MKLN1: variants seen among roughly 807,000 people sequenced by gnomAD.
MKLN1 encodes muskelin.
In MKLN1, 18 loss-of-function variants were observed where a neutral mutation model predicts 99.0. The observed-to-expected ratio is 0.18, with a 90% CI of 0.13 to 0.27. The LOEUF is 0.27. Among genes scored for constraint, MKLN1 ranks in the 10% least tolerant of loss-of-function variants. The pLI is 1.00. For missense variants in MKLN1, 621 were observed against 875.9 expected, an observed-to-expected ratio of 0.71 and a Z score of 3.67; for synonymous variants, 288 against 293.2, an observed-to-expected ratio of 0.98 and a Z score of 0.18.
intron 2 of MKLN1, among the ~76,000 whole-genome samples, chr7:131,191,877 CTATT>C (rs1411678652): frequency 6.7e-6 from 1 of 148,778 alleles, no homozygotes; most frequent in East Asian, 2.0e-4. Flanking sequence ...CCATGCCTGA[CTATT>C]TTTTTTTTTT....
At chr7:131,297,413 C>CTGTGTG (rs148107325) in intron 3 of MKLN1, among the ~76,000 whole-genome samples, 9,921 of 149,252 alleles carry the variant, frequency 0.066, 367 homozygotes, top group Middle Eastern at 0.14. Context: ...CACAAATACT[C>CTGTGTG]TGTGTGTGTG....
Position 131,414,627 on chromosome 7 carries a change from CTAT to C in MKLN1, c.782-13_782-11del. The C allele has an allele frequency of 6.4e-7, 1 of 1,553,592 alleles. No individual in the cohort carries two copies. Among genetic ancestry groups the C allele is most frequent in the Non-Finnish European group, 8.8e-7 (1 of 1,132,236 alleles). Reference sequence around the variant, plus strand: ...TTCTTTGTTATTCCTTTAAAAGAAACTATTATTTCTTCTAAAGGTGATGGGGAA... The same window carrying C: ...TTCTTTGTTATTCCTTTAAAAGAAACTATTTCTTCTAAAGGTGATGGGGAA... On this transcript the variant is annotated splice_polypyrimidine_tract_variant and intron_variant, in intron 7 of 17. Coordinates refer to ENST00000352689, the MANE Select transcript of MKLN1 (RefSeq NM_013255.5).
At chr7:131,320,468 T>C (rs919281977) in intron 3 of MKLN1, among the ~76,000 whole-genome samples, 2 of 152,056 alleles carry the variant, frequency 1.3e-5, no homozygotes, top group Non-Finnish European at 2.9e-5. Flanking sequence ...CCCCAAGCCA[T>C]AAAAACCCTA....
chr7:131,470,754 T>G (rs1796796683), intron 15 of MKLN1, 88 bp from the exon 16 acceptor site: 1 of 849,778 alleles, frequency 1.2e-6, no homozygotes, highest in Admixed American at 1.9e-5. Context: ...TCATACTCAG[T>G]ATAACAGTGT....
chr7:131,260,692 G>C (rs1797718552), intron 3 of MKLN1, among the ~76,000 whole-genome samples: 2 of 152,142 alleles, frequency 1.3e-5, no homozygotes, highest in African/African-American at 4.8e-5. Context: ...CACGTTACCT[G>C]TAACCAAAAC....
intron 3 of MKLN1, among the ~76,000 whole-genome samples, chr7:131,288,390 C>G (rs1715604517): frequency 6.6e-6 from 1 of 152,192 alleles, no homozygotes; most frequent in African/African-American, 2.4e-5. Flanking sequence ...GCCTCAGTAT[C>G]CGCTTAAGTT....
At chr7:131,279,380 C>A (rs1183433464) in intron 3 of MKLN1, among the ~76,000 whole-genome samples, 1 of 152,116 alleles carries the variant, frequency 6.6e-6, no homozygotes. Context: ...ATGCAAAGAT[C>A]CTGAGAGAGA....
chr7:131,282,473 T>C (rs1033202434), intron 3 of MKLN1, among the ~76,000 whole-genome samples: 14 of 151,378 alleles, frequency 9.2e-5, no homozygotes, highest in African/African-American at 2.7e-4. Flanking sequence ...GACAGCAACA[T>C]ACAGGGAAGT....
In MKLN1 at chr7:131,491,136, AC is replaced by A. The variant is rs1157664195; in HGVS notation, c.*3409del. The A allele has an allele frequency of 6.6e-6, 1 of 152,124 alleles. No individual in the cohort carries two copies. Among genetic ancestry groups the A allele is most frequent in the Non-Finnish European group, 1.5e-5 (1 of 68,014 alleles). 9.4% of individuals were successfully genotyped at this position (152,124 alleles called of 1,614,324 possible). ...AAATCCTTAGCTGGTTGAATGTTGC[AC>A]AGTATTTGAGAATTACGGTTTGAAG... On this transcript the variant is annotated 3_prime_UTR_variant, in exon 18 of 18. Transcript: ENST00000352689.
intron 3 of MKLN1, among the ~76,000 whole-genome samples, chr7:131,207,318 C>T (rs1267170815): frequency 1.3e-5 from 2 of 152,098 alleles, no homozygotes; most frequent in Non-Finnish European, 1.5e-5. Context: ...GTGCCTCAGC[C>T]TTCCAAGTAG....
At chr7:131,133,820 G>GTTTTTTTTTT (rs1563226583) in intron 1 of MKLN1, among the ~76,000 whole-genome samples, 2 of 24,062 alleles carry the variant, frequency 8.3e-5, no homozygotes, top group Non-Finnish European at 1.5e-4. Context: ...TTTTAATTTG[G>GTTTTTTTTTT]TTTTTTTTTT....
chr7:131,311,574 T>A (rs1000003618), intron 3 of MKLN1, among the ~76,000 whole-genome samples: 1 of 152,220 alleles, frequency 6.6e-6, no homozygotes, highest in African/African-American at 2.4e-5. Context: ...TTCCAGAGGT[T>A]CCTTTTGGAA....
intron 1 of MKLN1, among the ~76,000 whole-genome samples, chr7:131,339,395 T>A (rs1353575846): frequency 6.6e-6 from 1 of 152,218 alleles, no homozygotes; most frequent in Non-Finnish European, 1.5e-5. Flanking sequence ...GAGACTTACT[T>A]GTTTATAAGG....
At chr7:131,430,874 G>A (rs1247200985) in intron 9 of MKLN1, among the ~76,000 whole-genome samples, 2 of 152,104 alleles carry the variant, frequency 1.3e-5, no homozygotes, top group Non-Finnish European at 2.9e-5. Flanking sequence ...ACTGCAGTGA[G>A]CCATTACAGT....
intron 1 of MKLN1, among the ~76,000 whole-genome samples, chr7:131,345,675 C>T (rs180873502): frequency 1.2e-3 from 190 of 152,180 alleles, no homozygotes; most frequent in African/African-American, 3.9e-3. Flanking sequence ...GTTCATGCCA[C>T]TGCACTCCAG....
intron 3 of MKLN1, among the ~76,000 whole-genome samples, chr7:131,283,189 G>A (rs955112865): frequency 1.2e-4 from 18 of 152,148 alleles, no homozygotes; most frequent in African/African-American, 3.4e-4. Flanking sequence ...AGATCCTTCC[G>A]CTGTCGATGG....
In MKLN1 at chr7:131,279,065, T is replaced by C. The variant is rs143802330; in HGVS notation, c.-179+76091T>C. Among the ~76,000 whole-genome samples the C allele has an allele frequency of 7.5e-3, 1,140 of 152,320 alleles. 16 individuals carry two copies. The highest frequency in any genetic ancestry group is 0.026 in the African/African-American group (1,078 of 41,546). On this transcript the variant is annotated intron_variant, in intron 3 of 7. Transcript: ENST00000416992. ...TTTCATTCATCCAACATCCAACATA[T>C]ATTACTGAGTGTTTACTGTGTGCCA...
rs59581806 is a variant in MKLN1 at position 131,123,022 on chromosome 7, C to CAAAAAAAAAA, written c.-419+12833_-419+12842dup. Among the ~76,000 whole-genome samples, 3 of 60,394 alleles carry CAAAAAAAAAA rather than the reference C, an allele frequency of 5.0e-5. No individual in the cohort carries two copies. In the Admixed American group the frequency reaches 8.6e-4, roughly 17 times the overall value. 39.6% of individuals were successfully genotyped at this position (60,394 alleles called of 152,430 possible). Reference sequence around the variant, plus strand: ...TGGGCGAAACAGCGAGACTCCGTCTCAAAAAAAAAAAAAAAAAAAAAAAAA... The same window carrying CAAAAAAAAAA: ...TGGGCGAAACAGCGAGACTCCGTCTCAAAAAAAAAAAAAAAAAAAAAAAAAAAAAAAAAAA... On this transcript the variant is annotated intron_variant, in intron 1 of 7. Transcript: ENST00000416992.
At chr7:131,355,968 A>G (rs1799865139) in intron 1 of MKLN1, among the ~76,000 whole-genome samples, 1 of 151,598 alleles carries the variant, frequency 6.6e-6, no homozygotes, top group Non-Finnish European at 1.5e-5. Context: ...TATCTCTTAA[A>G]TTTTAGACTT....
Sources: gnomAD v4.1 joint callset for allele counts (sites outside exome capture counted in the v4.1 genomes callset) on GRCh38, gnomAD v4.1.1 for gene constraint, MANE v1.5 for transcripts, NCBI Gene and HGNC (gene_info 2026-07-23, HGNC 2026-07-21) for gene names.